Variants in GPHN observed in about 807,000 individuals in gnomAD.
GPHN encodes gephyrin.
A neutral mutation model predicts 95.5 loss-of-function variants in GPHN; 17 were observed. The observed-to-expected ratio is 0.18, with a 90% confidence interval of 0.12 to 0.27. The LOEUF is 0.27. Among genes scored for constraint, GPHN ranks in the 10% least tolerant of loss-of-function variants. The pLI is 1.00. For missense variants in GPHN, 660 were observed against 978.1 expected (o/e 0.67, Z 4.34); for synonymous variants, 320 against 322.5 (o/e 0.99, Z 0.08).
At chr14:66,917,482 C>T (rs376092331) in intron 6 of GPHN, among the ~76,000 whole-genome samples, 3 of 152,148 alleles carry the variant, frequency 2.0e-5, no homozygotes, top group East Asian at 1.9e-4. Context: ...ATAACCTATC[C>T]ATTCATTCCT....
At chr14:67,176,211 G>A (rs951802786) in intron 21 of GPHN, among the ~76,000 whole-genome samples, 3 of 152,080 alleles carry the variant, frequency 2.0e-5, no homozygotes, top group Admixed American at 1.3e-4. Context: ...TTGGCTGTGG[G>A]TTTGTCATAA....
chr14:67,021,352 G>A lies in GPHN; in HGVS notation c.964-2281G>A, dbSNP rs543688263. ...GAAAGCATTGATTATACTGCTGTTG[G>A]CAATTTATGAACCTTGATAAACGCT... On this transcript the variant is annotated intron_variant, in intron 9 of 22. Coordinates refer to ENST00000478722, the MANE Select transcript of GPHN (RefSeq NM_020806.5). Among the ~76,000 whole-genome samples the A allele has an allele frequency of 2.8e-4, 42 of 152,124 alleles. 1 individual carries two copies. The South Asian group carries it at 8.7e-3, about 32-fold the overall frequency.
rs562020411 is a variant in GPHN at position 66,585,516 on chromosome 14, G to C, written c.64+76925G>C. Among the ~76,000 whole-genome samples the C allele has an allele frequency of 9.2e-5, 14 of 152,080 alleles. No individual in the cohort carries two copies. The South Asian group carries it at 2.9e-3, about 32-fold the overall frequency. On this transcript the variant is annotated intron_variant, in intron 1 of 22. Coordinates refer to ENST00000478722, the MANE Select transcript of GPHN (RefSeq NM_020806.5). ...TTTTAGATCTTTCCTGCTTTCTCTT[G>C]TGGGCATTTAGTGCTATAAATTTCC...
chr14:66,824,198 T>C (rs1005564753), intron 3 of GPHN, among the ~76,000 whole-genome samples: 10 of 152,212 alleles, frequency 6.6e-5, no homozygotes, highest in Non-Finnish European at 1.3e-4. Context: ...CCATTAATTA[T>C]AAACTCTTTA....
At chr14:67,223,188 T>TG in the GPHN span, among the ~76,000 whole-genome samples, 1 of 151,872 alleles carries the variant, frequency 6.6e-6, no homozygotes, top group Non-Finnish European at 1.5e-5. Context: ...TTTGTAGAGA[T>TG]GGGGTTTCAC....
rs1366094302 is a variant in GPHN, at chr14:66,646,033, T to C, written c.65-35074T>C. Reference sequence around the variant, plus strand: ...GAAAACCAACCAACCAATAACAACTTTACCTATGATTAGAATCCCATCATT... The same window carrying C: ...GAAAACCAACCAACCAATAACAACTCTACCTATGATTAGAATCCCATCATT... On this transcript the variant is annotated intron_variant, in intron 1 of 22. Coordinates refer to ENST00000478722, the MANE Select transcript of GPHN (RefSeq NM_020806.5). Among the ~76,000 whole-genome samples, 3 of 152,208 alleles carry C rather than the reference T, an allele frequency of 2.0e-5. No individual in the cohort carries two copies. In the East Asian group the frequency reaches 5.8e-4, roughly 29 times the overall value.
chr14:67,592,224 CAG>C, the GPHN span: 2,237 of 257,150 alleles, frequency 8.7e-3, 27 homozygotes, highest in Middle Eastern at 0.019. Flanking sequence ...TGCTTGAACT[CAG>C]GAGTTCAAGA....
chr14:67,013,567 T>C (rs1409100678), intron 9 of GPHN, among the ~76,000 whole-genome samples: 1 of 152,108 alleles, frequency 6.6e-6, no homozygotes, highest in Non-Finnish European at 1.5e-5. Flanking sequence ...TGCCTAGTTC[T>C]TATATATTTC....
chr14:67,245,654 T>G, the GPHN span, among the ~76,000 whole-genome samples: 181 of 152,264 alleles, frequency 1.2e-3, no homozygotes, highest in African/African-American at 4.3e-3. Flanking sequence ...CCCAAAAGTT[T>G]TATATAGTCC....
At chr14:67,170,338 A>G (rs1023753171) in intron 21 of GPHN, among the ~76,000 whole-genome samples, 7 of 152,202 alleles carry the variant, frequency 4.6e-5, no homozygotes, top group Non-Finnish European at 8.8e-5. Context: ...ATGAACAAAA[A>G]GTATTCTGAT....
chr14:67,412,106 C>T, the GPHN span: 1 of 1,462,896 alleles, frequency 6.8e-7, no homozygotes, highest in South Asian at 1.3e-5. Flanking sequence ...CTTCCCCGCG[C>T]CTCGCGCTCC....
At chr14:67,056,757 G>A (rs2075590226) in intron 10 of GPHN, among the ~76,000 whole-genome samples, 1 of 152,156 alleles carries the variant, frequency 6.6e-6, no homozygotes, top group Non-Finnish European at 1.5e-5. Flanking sequence ...CCATGGGACT[G>A]GGCGCTGTGG....
At chr14:66,537,049 T>G (rs2059169956) in intron 1 of GPHN, among the ~76,000 whole-genome samples, 1 of 152,146 alleles carries the variant, frequency 6.6e-6, no homozygotes, top group Non-Finnish European at 1.5e-5. Context: ...TACCTTCTAT[T>G]AATATAGTCA....
At chr14:67,312,511 C>A in the GPHN span, 2 of 1,492,064 alleles carry the variant, frequency 1.3e-6, no homozygotes, top group Non-Finnish European at 1.8e-6. Context: ...TTGTTTTTGC[C>A]CTTTTTATCT....
the GPHN span, chr14:67,473,391 G>T: frequency 6.2e-7 from 1 of 1,606,310 alleles, no homozygotes; most frequent in Non-Finnish European, 8.5e-7. The surrounding 1 kb of genome is among the most constrained non-coding windows in gnomAD (Gnocchi z 6.5). Context: ...TTCCATGAGA[G>T]ATCCCCAGGC....
At chr14:67,037,805 A>G (rs1419647376) in intron 10 of GPHN, among the ~76,000 whole-genome samples, 3 of 151,776 alleles carry the variant, frequency 2.0e-5, no homozygotes, top group Non-Finnish European at 3.0e-5. Flanking sequence ...GAAAATAACA[A>G]GTATTGGTGA....
At chr14:67,556,279 T>C in the GPHN span, among the ~76,000 whole-genome samples, 1 of 152,134 alleles carries the variant, frequency 6.6e-6, no homozygotes, top group Admixed American at 6.6e-5. Flanking sequence ...GCCTTCTTGG[T>C]TGCCATGGCA....
intron 1 of GPHN, among the ~76,000 whole-genome samples, chr14:66,599,999 T>A (rs2053940804): frequency 6.6e-6 from 1 of 152,118 alleles, no homozygotes; most frequent in African/African-American, 2.4e-5. Context: ...CTTCTGTTAA[T>A]ATAATGGATT....
chr14:67,541,905 A>T, the GPHN span: 5 of 1,604,348 alleles, frequency 3.1e-6, no homozygotes, highest in Middle Eastern at 1.7e-4. Flanking sequence ...GCCAGCGTAG[A>T]CTGGCAGAAA....
Sources: allele counts gnomAD v4.1 joint callset (sites outside exome capture counted in the v4.1 genomes callset), GRCh38; gene constraint gnomAD v4.1.1; non-coding constraint Gnocchi (gnomAD v3.1); transcripts MANE v1.5; gene names NCBI Gene and HGNC (gene_info 2026-07-23, HGNC 2026-07-21).